Variants in ZPR1 observed in about 807,000 individuals in gnomAD.
ZPR1 encodes zinc finger protein ZPR1.
A neutral mutation model predicts 59.6 loss-of-function variants in ZPR1; 37 were observed. The ratio of observed to expected loss-of-function variants is 0.62; its 90% CI spans 0.48 to 0.82. The LOEUF is 0.82. Ranked by LOEUF, ZPR1 falls within the 40% of genes least tolerant of loss-of-function variation. The pLI is 0.00. For synonymous variants in ZPR1, 191 were observed against 215.2 expected, an observed-to-expected ratio of 0.89 and a Z score of 0.99; for missense variants, 527 against 579.9, an observed-to-expected ratio of 0.91 and a Z score of 0.94.
At chr11:116,782,074 A>T in intron 12 of ZPR1, 84 bp downstream of exon 12, 1 of 1,017,608 alleles carries the variant, frequency 9.8e-7, no homozygotes, top group Non-Finnish European at 1.5e-6. Flanking sequence ...TTAGATGTTC[A>T]AAAAGTGGCA....
At chr11:116,787,181 C>A (rs1940900948) in intron 2 of ZPR1, 122 bp from the exon 3 acceptor site, 2 of 903,644 alleles carry the variant, frequency 2.2e-6, no homozygotes, top group Admixed American at 1.9e-5. Context: ...CGCCACTCCA[C>A]AGGGTCCAGA....
intron 4 of ZPR1, 127 bp downstream of exon 4, chr11:116,786,384 G>A: frequency 2.1e-6 from 2 of 956,454 alleles, no homozygotes; most frequent in Non-Finnish European, 3.2e-6. Context: ...CATTCTAGCA[G>A]CTCCAGCACC....
intron 9 of ZPR1, 47 bp downstream of exon 9, chr11:116,784,331 G>A (rs199998032): frequency 1.9e-6 from 3 of 1,587,352 alleles, no homozygotes; most frequent in South Asian, 2.2e-5. Context: ...GTTAAAAGGG[G>A]GTTACCCTTA....
chr11:116,785,553 G>A lies in ZPR1; in HGVS notation c.666C>T (p.Tyr222=), dbSNP rs1940871536. 6.2e-7 allele frequency: 1 copy of A among 1,614,176 alleles called. No homozygotes were observed. Among genetic ancestry groups the A allele is most frequent in the Non-Finnish European group, 8.5e-7 (1 of 1,180,040 alleles). ...TCTCTTCCTGCTGTCGGGTCCGGTT[G>A]TAGTGTGTGATCACCAGGGCATCAT... ...QKDDALVITH[Y]NRTRQQEEML... Residue 222 remains tyrosine, a synonymous_variant, in exon 6 of 14, where the codon TAC becomes TAT. Coordinates refer to ENST00000227322, the MANE Select transcript of ZPR1 (RefSeq NM_003904.5).
chr11:116,779,884 G>A, intron 12 of ZPR1, 47 bp from the exon 13 acceptor site: 1 of 725,340 alleles, frequency 1.4e-6, no homozygotes, highest in Non-Finnish European at 2.1e-6. Flanking sequence ...ATAACCCCTG[G>A]TAAAAAGAGG....
Position 116,781,154 on chromosome 11 carries a change from T to C in ZPR1, c.1179+1004A>G, listed in dbSNP as rs9633942. Among the ~76,000 whole-genome samples, 196 of 151,384 alleles carry C rather than the reference T, an allele frequency of 1.3e-3. 2 individuals are homozygous for C. In the East Asian group the frequency reaches 0.025, roughly 20 times the overall value. On this transcript the variant is annotated intron_variant, in intron 12 of 13. Coordinates refer to ENST00000227322, the MANE Select transcript of ZPR1 (RefSeq NM_003904.5). The stretch of plus-strand genomic sequence containing the variant: ...AAATAGGACCAAAAAAAGAGTAAAT[T>C]ATAGAAGACCAGACAAGTAAGTCTA...
chr11:116,786,473 A>G, intron 4 of ZPR1, 38 bp downstream of exon 4: 1 of 1,613,428 alleles, frequency 6.2e-7, no homozygotes, highest in East Asian at 2.2e-5. Flanking sequence ...ATAAGCAATT[A>G]TTCCTTGAGC....
Position 116,787,856 on chromosome 11 carries a change from G to T in ZPR1, c.135C>A (p.Thr45=). 1 of 1,557,632 alleles carries T rather than the reference G, an allele frequency of 6.4e-7. No homozygotes were observed. ...ISAEDEEQQP[T]EIESLCMNCY... is the part of the protein sequence containing the mutation. Reference sequence around the variant, plus strand: ...AGTTCATGCATAGCGACTCGATCTCGGTGGGCTGCTGCTCCTCGTCCTCGG... The same window carrying T: ...AGTTCATGCATAGCGACTCGATCTCTGTGGGCTGCTGCTCCTCGTCCTCGG... The change falls in exon 1 of 14, where the codon ACC becomes ACA. Residue 45 remains threonine, a synonymous_variant. Coordinates refer to ENST00000227322, the MANE Select transcript of ZPR1 (RefSeq NM_003904.5).
rs748060511 is a variant in ZPR1 at position 116,786,607 on chromosome 11, T to A, written c.425-26A>T. 1.9e-6 allele frequency: 3 copies of A among 1,603,482 alleles called. No individual in the cohort carries two copies. The East Asian group carries it at 6.7e-5, about 36-fold the overall frequency. Reference sequence around the variant, plus strand: ...CTTGTGAACAAGAACAAAAGACAAGTGTGACTTAGCCTCAGCTCTGCTATC... The same window carrying A: ...CTTGTGAACAAGAACAAAAGACAAGAGTGACTTAGCCTCAGCTCTGCTATC... On this transcript the variant is annotated intron_variant, in intron 3 of 13. Coordinates refer to ENST00000227322, the MANE Select transcript of ZPR1 (RefSeq NM_003904.5).
intron 9 of ZPR1, among the ~76,000 whole-genome samples, chr11:116,784,079 G>A (rs1295859834): frequency 6.6e-6 from 1 of 152,104 alleles, no homozygotes; most frequent in Non-Finnish European, 1.5e-5. Flanking sequence ...GTTCTTCATT[G>A]TGAAGTCAAA....
rs145593184 is a variant in ZPR1, at chr11:116,785,566, A to C, written c.653T>G (p.Val218Gly). 6 of 1,614,198 alleles carry C rather than the reference A, an allele frequency of 3.7e-6. No homozygotes were observed. In the Admixed American group the frequency reaches 1.0e-4, roughly 27 times the overall value. ...PHAPQKDDAL[V>G]ITHYNRTRQQ... ...TCGGGTCCGGTTGTAGTGTGTGATC[A>C]CCAGGGCATCATCTTTCTGAGGAGC... Residue 218 changes from valine (V) to glycine (G), a missense_variant, in exon 6 of 14, where the codon GTG becomes GGG. Transcript: ENST00000227322.
In ZPR1 at chr11:116,784,992, GTA is replaced by G. The variant is rs1170893412; in HGVS notation, c.754-73_754-72del. On this transcript the variant is annotated intron_variant, in intron 7 of 13. Coordinates refer to ENST00000227322, the MANE Select transcript of ZPR1 (RefSeq NM_003904.5). ...TGTTCAGGCTAAAGACACTCAGTTG[GTA>G]TGCTAGTGGTCATCTATGTTGGTGA... 1.2e-5 allele frequency: 20 copies of G among 1,604,510 alleles called. No individual in the cohort carries two copies. In the East Asian group the frequency reaches 4.0e-4, roughly 32 times the overall value.
At chr11:116,784,471 T>G in intron 8 of ZPR1, 23 bp from the exon 9 acceptor site, 1 of 1,611,766 alleles carries the variant, frequency 6.2e-7, no homozygotes, top group Middle Eastern at 1.6e-4. Flanking sequence ...GTTAAGGAAA[T>G]CTACTTCCAG....
At chr11:116,783,774 A>G in intron 9 of ZPR1, among the ~76,000 whole-genome samples, 155 bp from the exon 10 acceptor site, 1 of 151,932 alleles carries the variant, frequency 6.6e-6, no homozygotes, top group East Asian at 1.9e-4. Flanking sequence ...CAAACCAAAA[A>G]CACCAAGAGC....
At chr11:116,779,651 G>T in intron 13 of ZPR1, 121 bp downstream of exon 13, 6 of 680,528 alleles carry the variant, frequency 8.8e-6, no homozygotes, top group South Asian at 2.6e-5. Flanking sequence ...TCTAACTTCT[G>T]CCTCCTTGGT....
At position 116,776,993 on chromosome 11, in the gene ZPR1, A is replaced by G. The variant is rs1042160919; in HGVS notation, c.*1932T>C. On this transcript the variant is annotated 3_prime_UTR_variant, in exon 14 of 14. Transcript: ENST00000227322. ...GAGTCATTTGCTAACCTGAGTCTCC[A>G]AACACCTTACTCTCGCCCTCACTTA... 2.6e-5 allele frequency: 4 copies of G among 152,228 alleles called. No individual in the cohort carries two copies. The highest frequency in any genetic ancestry group is 4.4e-5 in the Non-Finnish European group (3 of 68,036). The allele number at this position is 152,228 out of a possible 1,614,324, so 9.4% of individuals were successfully genotyped here.
chr11:116,779,196 T>C lies in ZPR1; in HGVS notation c.1246-137A>G, dbSNP rs1940766643. ...TTATTGGCCTCCAATTTCCCATGGCTAGACTGAACTAGTGGGTAGCAACAG... is the reference window on the plus strand; with the variant it reads ...TTATTGGCCTCCAATTTCCCATGGCCAGACTGAACTAGTGGGTAGCAACAG... On this transcript the variant is annotated intron_variant, in intron 13 of 13. Coordinates refer to ENST00000227322, the MANE Select transcript of ZPR1 (RefSeq NM_003904.5). The C allele has an allele frequency of 2.5e-6, 3 of 1,199,010 alleles. No individual in the cohort carries two copies. In the South Asian group the frequency reaches 4.5e-5, roughly 18 times the overall value. The allele number at this position is 1,199,010 out of a possible 1,614,324, so 74.3% of individuals were successfully genotyped here.
In ZPR1 at chr11:116,783,626, C is replaced by T. The variant is rs753058801; in HGVS notation, c.892-7G>A. The T allele has an allele frequency of 7.4e-6, 12 of 1,612,936 alleles. No homozygotes were observed. The East Asian group carries it at 1.1e-4, about 15-fold the overall frequency. On this transcript the variant is annotated splice_region_variant and splice_polypyrimidine_tract_variant and intron_variant, in intron 9 of 13. Transcript: ENST00000227322. ...CTGCTCCTCCAGATTTCACCTGCAT[C>T]GATAACAGTCAGGAGCAACAGAGAG...
chr11:116,776,998 C>T lies in ZPR1; in HGVS notation c.*1927G>A, dbSNP rs1940732343. ...ATTTGCTAACCTGAGTCTCCAAACA[C>T]CTTACTCTCGCCCTCACTTACAGAA... On this transcript the variant is annotated 3_prime_UTR_variant, in exon 14 of 14. Coordinates refer to ENST00000227322, the MANE Select transcript of ZPR1 (RefSeq NM_003904.5). The T allele has an allele frequency of 6.6e-6, 1 of 152,198 alleles. No individual in the cohort carries two copies. The highest frequency in any genetic ancestry group is 2.4e-5 in the African/African-American group (1 of 41,440). The allele number at this position is 152,198 out of a possible 1,614,324, so 9.4% of individuals were successfully genotyped here.
Sources: gnomAD v4.1 joint callset for allele counts (sites outside exome capture counted in the v4.1 genomes callset) on GRCh38, gnomAD v4.1.1 for gene constraint, MANE v1.5 for transcripts, NCBI Gene and HGNC (gene_info 2026-07-23, HGNC 2026-07-21) for gene names.